Variants in BICC1 observed in about 807,000 individuals in gnomAD.
BICC1 encodes the protein protein bicaudal C homolog 1.
A neutral mutation model predicts 111.0 loss-of-function variants in BICC1; 43 were observed. The ratio of observed to expected loss-of-function variants is 0.39; its 90% CI spans 0.30 to 0.50. The LOEUF (loss-of-function observed/expected upper bound fraction) is 0.50, where lower values mean the gene tolerates loss of function less well. Among genes scored for constraint, BICC1 ranks in the 20% least tolerant of loss-of-function variants. The pLI is 0.88. For synonymous variants in BICC1, 467 were observed against 434.4 expected (o/e 1.07, Z -0.93); for missense variants, 1,091 against 1,203.2 (o/e 0.91, Z 1.38).
At position 58,803,874 on chromosome 10, in the gene BICC1, A is replaced by T. The variant is rs11006267; in HGVS notation, c.2181+632A>T. Among the ~76,000 whole-genome samples, 571 of 152,338 alleles carry T rather than the reference A, an allele frequency of 3.7e-3. 3 individuals are homozygous for T. Among genetic ancestry groups the T allele is most frequent in the Non-Finnish European group, 6.5e-3 (443 of 68,028 alleles). On this transcript the variant is annotated intron_variant, in intron 15 of 20. Coordinates refer to ENST00000373886, the MANE Select transcript of BICC1 (RefSeq NM_001080512.3). ...TATTGACCATGAAAATGCAGAAATTATAGATGACAATATGAAAGATAAGGA... is the reference window on the plus strand; with the variant it reads ...TATTGACCATGAAAATGCAGAAATTTTAGATGACAATATGAAAGATAAGGA...
intron 1 of BICC1, among the ~76,000 whole-genome samples, chr10:58,609,588 T>G (rs1214758709): frequency 1.3e-5 from 2 of 152,268 alleles, no homozygotes; most frequent in African/African-American, 4.8e-5. Context: ...TAACATCATT[T>G]CAACATGTAA....
At chr10:58,797,818 A>G (rs1323779261) in intron 10 of BICC1, among the ~76,000 whole-genome samples, 1 of 152,134 alleles carries the variant, frequency 6.6e-6, no homozygotes, top group Non-Finnish European at 1.5e-5. Flanking sequence ...CAACAACAAC[A>G]ACAACCAAAA....
rs570348800 is a variant in BICC1 at position 58,696,348 on chromosome 10, T to A, written c.238-5726T>A. On this transcript the variant is annotated intron_variant, in intron 2 of 20. Coordinates refer to ENST00000373886, the MANE Select transcript of BICC1 (RefSeq NM_001080512.3). ...TTTGCAGATGAAATATAAAAAAAAATTTTCTTACATCAACAATCTTAATTT... is the reference window on the plus strand; with the variant it reads ...TTTGCAGATGAAATATAAAAAAAAAATTTCTTACATCAACAATCTTAATTT... Among the ~76,000 whole-genome samples the A allele has an allele frequency of 3.3e-5, 5 of 152,152 alleles. No homozygotes were observed. The East Asian group carries it at 5.8e-4, about 18-fold the overall frequency.
chr10:58,627,416 T>A (rs1837665509), intron 2 of BICC1, among the ~76,000 whole-genome samples: 1 of 152,234 alleles, frequency 6.6e-6, no homozygotes. Context: ...TGTAAAGTGT[T>A]CTCCCTTTAT....
chr10:58,590,721 T>A (rs1233961717), intron 1 of BICC1, among the ~76,000 whole-genome samples: 1 of 152,228 alleles, frequency 6.6e-6, no homozygotes, highest in Non-Finnish European at 1.5e-5. Flanking sequence ...CTAGTGAAAG[T>A]GGCTTCACTT....
intron 1 of BICC1, among the ~76,000 whole-genome samples, chr10:58,555,459 A>G (rs1230262536): frequency 3.3e-5 from 5 of 151,970 alleles, no homozygotes; most frequent in African/African-American, 1.2e-4. Flanking sequence ...CATCAATATA[A>G]ATAGGCAAAA....
At chr10:58,522,918 A>G (rs546617251) in intron 1 of BICC1, among the ~76,000 whole-genome samples, 1 of 152,304 alleles carries the variant, frequency 6.6e-6, no homozygotes, top group Admixed American at 6.5e-5. Context: ...AGAGAATACT[A>G]TAAACACCTC....
intron 1 of BICC1, among the ~76,000 whole-genome samples, chr10:58,581,040 G>C (rs1844267065): frequency 6.6e-6 from 1 of 152,114 alleles, no homozygotes; most frequent in Admixed American, 6.6e-5. Flanking sequence ...ATATGTCTAA[G>C]AATTTTATTT....
chr10:58,575,143 C>T (rs1395458927), intron 1 of BICC1, among the ~76,000 whole-genome samples: 8 of 151,930 alleles, frequency 5.3e-5, no homozygotes, highest in East Asian at 3.9e-4. Context: ...TTAAGCCCCA[C>T]GTGCATTAGG....
chr10:58,805,306 C>CAAAA (rs879492123), intron 15 of BICC1, among the ~76,000 whole-genome samples: 2 of 134,996 alleles, frequency 1.5e-5, no homozygotes, highest in Non-Finnish European at 1.6e-5. Context: ...AACAAACAAA[C>CAAAA]AAACAAACAA....
intron 1 of BICC1, among the ~76,000 whole-genome samples, chr10:58,603,933 C>A (rs1273172278): frequency 2.6e-5 from 4 of 152,026 alleles, no homozygotes; most frequent in East Asian, 1.9e-4. Flanking sequence ...ATAAGTATTG[C>A]CAATATTAGT....
intron 1 of BICC1, among the ~76,000 whole-genome samples, chr10:58,547,808 C>T (rs1410551222): frequency 1.3e-5 from 2 of 152,100 alleles, no homozygotes; most frequent in African/African-American, 4.8e-5. Context: ...CTTTGATATA[C>T]CCCCACTGTT....
chr10:58,516,469 T>C (rs556797389), intron 1 of BICC1, among the ~76,000 whole-genome samples: 67 of 145,444 alleles, frequency 4.6e-4, no homozygotes, highest in Non-Finnish European at 8.1e-4. Context: ...GCCAACAATG[T>C]AGGGAAATAT....
At chr10:58,774,795 G>C (rs1402567257) in intron 3 of BICC1, among the ~76,000 whole-genome samples, 1 of 152,102 alleles carries the variant, frequency 6.6e-6, no homozygotes, top group Non-Finnish European at 1.5e-5. Context: ...TTTAAAAAGT[G>C]ATTAGTAAGG....
intron 2 of BICC1, among the ~76,000 whole-genome samples, chr10:58,639,936 TG>T (rs1838073981): frequency 1.3e-5 from 2 of 151,880 alleles, no homozygotes; most frequent in African/African-American, 4.8e-5. Context: ...TGGCTGCCAT[TG>T]AAATTAATCC....
chr10:58,752,107 G>A (rs1307302994), intron 3 of BICC1, among the ~76,000 whole-genome samples: 1 of 152,022 alleles, frequency 6.6e-6, no homozygotes, highest in Non-Finnish European at 1.5e-5. Context: ...CTTCAGCTAA[G>A]GAGAGAATGT....
At chr10:58,558,237 C>G (rs563040112) in intron 1 of BICC1, among the ~76,000 whole-genome samples, 1 of 152,012 alleles carries the variant, frequency 6.6e-6, no homozygotes, top group South Asian at 2.1e-4. Context: ...ATGGGTTGAT[C>G]GGTACTCAGC....
At chr10:58,547,021 A>G (rs535900019) in intron 1 of BICC1, among the ~76,000 whole-genome samples, 1 of 152,232 alleles carries the variant, frequency 6.6e-6, no homozygotes, top group Non-Finnish European at 1.5e-5. Context: ...CAACCTTTTT[A>G]TTTTAGAGCA....
At chr10:58,570,314 C>T (rs1005696632) in intron 1 of BICC1, among the ~76,000 whole-genome samples, 3 of 152,158 alleles carry the variant, frequency 2.0e-5, no homozygotes, top group Non-Finnish European at 4.4e-5. Flanking sequence ...AGGTTATCTC[C>T]TATTTTGCCC....
Sources: allele counts gnomAD v4.1 joint callset (sites outside exome capture counted in the v4.1 genomes callset), GRCh38; gene constraint gnomAD v4.1.1; transcripts MANE v1.5; gene names NCBI Gene and HGNC (gene_info 2026-07-23, HGNC 2026-07-21).